IMMT: variants seen among roughly 807,000 people sequenced by gnomAD.
IMMT encodes inner membrane mitochondrial protein, also known as MICOS complex subunit MIC60.
IMMT carries 40 observed loss-of-function variants against 92.7 expected under a neutral mutation model. The ratio of observed to expected loss-of-function variants is 0.43; its 90% CI spans 0.34 to 0.56. The LOEUF (loss-of-function observed/expected upper bound fraction) is 0.56, where lower values mean the gene tolerates loss of function less well. Among genes scored for constraint, IMMT ranks in the 20% least tolerant of loss-of-function variants. IMMT has a pLI of 0.03. For missense variants in IMMT, 831 were observed against 912.1 expected, an observed-to-expected ratio of 0.91 and a Z score of 1.14; for synonymous variants, 322 against 336.1, an observed-to-expected ratio of 0.96 and a Z score of 0.46.
At chr2:86,156,423 C>G (rs1160636158) in intron 10 of IMMT, among the ~76,000 whole-genome samples, 5 of 151,880 alleles carry the variant, frequency 3.3e-5, no homozygotes, top group Non-Finnish European at 7.4e-5. Flanking sequence ...GAAACCCAGT[C>G]TCTACTAAAA....
chr2:86,153,722 T>TA (rs1675652149), intron 10 of IMMT, 148 bp from the exon 11 acceptor site: 1 of 469,940 alleles, frequency 2.1e-6, no homozygotes, highest in Non-Finnish European at 3.9e-6. Context: ...AATGAAATGA[T>TA]ACGGCTATTT....
chr2:86,171,397 AAC>A (rs776925628), intron 4 of IMMT, 52 bp from the exon 5 acceptor site: 1 of 1,546,818 alleles, frequency 6.5e-7, no homozygotes, highest in Admixed American at 1.8e-5. Context: ...TTAACAGAGA[AAC>A]ACACAGAAAT....
chr2:86,167,097 A>C (rs1214920321), intron 6 of IMMT, among the ~76,000 whole-genome samples: 143 of 146,872 alleles, frequency 9.7e-4, no homozygotes, highest in Middle Eastern at 3.4e-3. Flanking sequence ...GACTCTCTCA[A>C]AAAAAAAAAA....
intron 1 of IMMT, among the ~76,000 whole-genome samples, chr2:86,190,733 T>G (rs918782111): frequency 6.6e-6 from 1 of 152,234 alleles, no homozygotes; most frequent in Non-Finnish European, 1.5e-5. Context: ...CTTAAGCCTG[T>G]AATCCCAGCA....
chr2:86,155,264 C>G (rs1675774804), intron 10 of IMMT, among the ~76,000 whole-genome samples: 1 of 152,176 alleles, frequency 6.6e-6, no homozygotes, highest in African/African-American at 2.4e-5. Context: ...TCACTCCCTC[C>G]TACACCGTCA....
chr2:86,188,511 C>A (rs1558842666), intron 1 of IMMT, among the ~76,000 whole-genome samples: 1 of 151,992 alleles, frequency 6.6e-6, no homozygotes, highest in Non-Finnish European at 1.5e-5. Context: ...GCAGCCTCGA[C>A]CTCACAGGCT....
In IMMT at chr2:86,164,689, C is replaced by CAAAAAAAAAAAAAAAAA. The variant is rs56964046; in HGVS notation, c.792+1818_792+1819insTTTTTTTTTTTTTTTTT. 1.4e-3 allele frequency among the ~76,000 whole-genome samples: 157 copies of CAAAAAAAAAAAAAAAAA among 111,368 alleles called. 13 individuals are homozygous for CAAAAAAAAAAAAAAAAA. The highest frequency in any genetic ancestry group is 5.5e-3 in the African/African-American group (150 of 27,398). The allele number at this position is 111,368 out of a possible 152,430, so 73.1% of individuals were successfully genotyped here. A position where few individuals can be genotyped will look rare whatever the true frequency, so the allele number is the denominator to read the frequency against. On this transcript the variant is annotated intron_variant, in intron 7 of 14. Coordinates refer to ENST00000410111, the MANE Select transcript of IMMT (RefSeq NM_006839.3). Reference sequence around the variant, plus strand: ...CTGGTGACAGAGCAAGACTCTGTCTCAAAAAAAAAAAAAAAGGAATGGATG... The same window carrying CAAAAAAAAAAAAAAAAA: ...CTGGTGACAGAGCAAGACTCTGTCTCAAAAAAAAAAAAAAAAAAAAAAAAAAAAAAAAGGAATGGATG...
chr2:86,187,878 C>T (rs1672879481), intron 1 of IMMT, among the ~76,000 whole-genome samples: 1 of 150,974 alleles, frequency 6.6e-6, no homozygotes, highest in African/African-American at 2.4e-5. Context: ...CGCCACTGCA[C>T]TCCAGCCTGG....
intron 4 of IMMT, among the ~76,000 whole-genome samples, chr2:86,172,575 C>T (rs1677170990): frequency 6.6e-6 from 1 of 152,198 alleles, no homozygotes; most frequent in South Asian, 2.1e-4. Context: ...TTAGGTGATC[C>T]TCCCGCCTTG....
chr2:86,150,617 T>G (rs1343616547), intron 12 of IMMT, among the ~76,000 whole-genome samples: 1 of 152,172 alleles, frequency 6.6e-6, no homozygotes, highest in Non-Finnish European at 1.5e-5. Flanking sequence ...ATTTCACCTG[T>G]TTTTTAACCA....
At chr2:86,187,562 T>C (rs930898733) in intron 1 of IMMT, among the ~76,000 whole-genome samples, 2 of 152,180 alleles carry the variant, frequency 1.3e-5, no homozygotes, top group African/African-American at 4.8e-5. Context: ...TGAACACCTG[T>C]TTTTTATTCT....
chr2:86,161,543 TCA>T (rs1421474710), intron 8 of IMMT, among the ~76,000 whole-genome samples: 1 of 140,310 alleles, frequency 7.1e-6, no homozygotes, highest in Non-Finnish European at 1.5e-5. Flanking sequence ...AGACAGCGTC[TCA>T]CTCTGTCGCC....
At chr2:86,155,553 C>T (rs932901500) in intron 10 of IMMT, among the ~76,000 whole-genome samples, 7 of 152,108 alleles carry the variant, frequency 4.6e-5, no homozygotes, top group African/African-American at 1.2e-4. Context: ...ACTCAGTGCC[C>T]GGTACAAAAT....
intron 7 of IMMT, among the ~76,000 whole-genome samples, chr2:86,162,594 C>G (rs992053011): frequency 2.0e-5 from 3 of 151,970 alleles, no homozygotes; most frequent in African/African-American, 7.3e-5. Flanking sequence ...GCCTATAATC[C>G]CAGCACTTCG....
Position 86,144,638 on chromosome 2 carries a change from T to C in IMMT, c.1907A>G (p.Tyr636Cys), listed in dbSNP as rs748220624. The change falls in exon 15 of 15, where the codon TAT becomes TGT. Residue 636 changes from tyrosine to cysteine, a missense_variant. By Grantham distance (194) the Tyr-to-Cys change is radical (BLOSUM62 -2). Coordinates refer to ENST00000410111, the MANE Select transcript of IMMT (RefSeq NM_006839.3). Reference protein sequence around the residue: ...YSEETLRARFYAVQKLARRVA... With the variant: ...YSEETLRARFCAVQKLARRVA... Reference sequence around the variant, plus strand: ...CCTTCGGGCCAGTTTTTGAACAGCATAGAAACGGGCTCTAAGGGTCTCTTC... The same window carrying C: ...CCTTCGGGCCAGTTTTTGAACAGCACAGAAACGGGCTCTAAGGGTCTCTTC... The C allele has an allele frequency of 1.7e-5, 27 of 1,613,816 alleles. No homozygotes were observed. The East Asian group carries it at 2.0e-4, about 12-fold the overall frequency.
At chr2:86,161,019 G>A (rs1676231050) in intron 8 of IMMT, among the ~76,000 whole-genome samples, 1 of 151,472 alleles carries the variant, frequency 6.6e-6, no homozygotes, top group Admixed American at 6.6e-5. Context: ...GATGGCTTGA[G>A]CCCGGGAGGT....
rs1331139480 is a variant in IMMT, at chr2:86,166,642, G to C, written c.658C>G (p.Leu220Val). The C allele has an allele frequency of 4.4e-6, 7 of 1,583,172 alleles. No homozygotes were observed. The highest frequency in any genetic ancestry group is 5.1e-6 in the Non-Finnish European group (6 of 1,170,016). The change falls in exon 7 of 15, where the codon CTA (leucine) becomes GTA (valine). Residue 220 changes from leucine (L) to valine (V), a missense_variant and splice_region_variant. Coordinates refer to ENST00000410111, the MANE Select transcript of IMMT (RefSeq NM_006839.3). ...AGAGCATCTTCTAAGCTCTTGGCTAGAGCTTAAAAAAAAAAAAGAACAGTT... is the reference window on the plus strand; with the variant it reads ...AGAGCATCTTCTAAGCTCTTGGCTACAGCTTAAAAAAAAAAAAGAACAGTT... Reference protein sequence around the residue: ...EKQEQVKIESLAKSLEDALRQ... With the variant: ...EKQEQVKIESVAKSLEDALRQ...
rs562897498 is a variant in IMMT at position 86,144,069 on chromosome 2, G to A, written c.*199C>T. On this transcript the variant is annotated 3_prime_UTR_variant, in exon 15 of 15. Transcript: ENST00000410111. ...AAAAACAGAAAATGTTACACAAGTTGCAAAGAAAGCACTCCTGGCGTTCAC... is the reference window on the plus strand; with the variant it reads ...AAAAACAGAAAATGTTACACAAGTTACAAAGAAAGCACTCCTGGCGTTCAC... 8.3e-5 allele frequency: 52 copies of A among 627,520 alleles called. 1 individual carries two copies. In the African/African-American group the frequency reaches 8.5e-4, roughly 10 times the overall value. 38.9% of individuals were successfully genotyped at this position (627,520 alleles called of 1,614,324 possible). A position where few individuals can be genotyped will look rare whatever the true frequency, so the allele number is the denominator to read the frequency against.
At chr2:86,167,356 G>T (rs1286952905) in intron 6 of IMMT, among the ~76,000 whole-genome samples, 2 of 147,724 alleles carry the variant, frequency 1.4e-5, no homozygotes, top group Admixed American at 1.4e-4. Context: ...GTATTTCTTA[G>T]TAGAGACGGG....
Sources: allele counts gnomAD v4.1 joint callset (sites outside exome capture counted in the v4.1 genomes callset), GRCh38; gene constraint gnomAD v4.1.1; transcripts MANE v1.5; gene names NCBI Gene and HGNC (gene_info 2026-07-23, HGNC 2026-07-21).